The following NTN1 variants were observed in gnomAD, a reference collection of about 807,000 sequenced individuals.
NTN1 encodes the protein netrin-1.
NTN1 carries 11 observed loss-of-function variants against 54.2 expected under a neutral mutation model. The ratio of observed to expected loss-of-function variants is 0.20; its 90% CI spans 0.13 to 0.34. The LOEUF (loss-of-function observed/expected upper bound fraction) is 0.34, where lower values mean the gene tolerates loss of function less well. NTN1 is among the 10% of genes least tolerant of loss of function. The pLI, the probability that NTN1 is intolerant of heterozygous loss-of-function variation, is 1.00. For synonymous variants in NTN1, 371 were observed against 382.0 expected, an observed-to-expected ratio of 0.97 and a Z score of 0.33; for missense variants, 740 against 893.1, an observed-to-expected ratio of 0.83 and a Z score of 2.18.
intron 3 of NTN1, among the ~76,000 whole-genome samples, chr17:9,170,320 T>C (rs2092384058): frequency 6.6e-6 from 1 of 152,234 alleles, no homozygotes; most frequent in Admixed American, 6.5e-5. Context: ...TATGATTATT[T>C]GTGCAAGTCA....
At chr17:9,106,088 A>G (rs2092165159) in intron 2 of NTN1, among the ~76,000 whole-genome samples, 1 of 152,126 alleles carries the variant, frequency 6.6e-6, no homozygotes. Context: ...CTGAATCAGA[A>G]TCTGCACATC....
intron 2 of NTN1, among the ~76,000 whole-genome samples, chr17:9,083,362 C>A (rs577809598): frequency 6.6e-6 from 1 of 152,262 alleles, no homozygotes; most frequent in Admixed American, 6.5e-5. Context: ...TCCCACAGTG[C>A]TGGGGTTATG....
intron 2 of NTN1, among the ~76,000 whole-genome samples, chr17:9,112,491 G>A (rs547574923): frequency 1.3e-5 from 2 of 152,086 alleles, no homozygotes; most frequent in African/African-American, 2.4e-5. Flanking sequence ...TTGTCTGCTC[G>A]GTGCCACGAT....
At chr17:9,147,960 G>C (rs1289716126) in intron 2 of NTN1, among the ~76,000 whole-genome samples, 2 of 152,096 alleles carry the variant, frequency 1.3e-5, no homozygotes, top group East Asian at 3.9e-4. Flanking sequence ...ACAGATTTGG[G>C]GCCACTCTGG....
chr17:9,179,949 C>T lies in NTN1; in HGVS notation c.1350C>T (p.Pro450=). 6.2e-7 allele frequency: 1 copy of T among 1,612,930 alleles called. No homozygotes were observed. Among genetic ancestry groups the T allele is most frequent in the Non-Finnish European group, 8.5e-7 (1 of 1,179,646 alleles). Residue 450 remains proline (P), a synonymous_variant, in exon 4 of 7, where the codon CCC becomes CCT. Transcript: ENST00000173229. ...GYQQSRSPIA[P]CIKIPVAPPT... ...AGCAGAGCCGCTCTCCCATCGCCCC[C>T]TGCATAAGTATGTGTGGGGCACCCT...
At chr17:9,035,832 G>A (rs1390476900) in intron 2 of NTN1, among the ~76,000 whole-genome samples, 1 of 152,114 alleles carries the variant, frequency 6.6e-6, no homozygotes, top group Non-Finnish European at 1.5e-5. Context: ...AACCAGCCTG[G>A]CCAACATATT....
intron 2 of NTN1, among the ~76,000 whole-genome samples, chr17:9,045,106 G>T (rs752567943): frequency 5.5e-4 from 83 of 152,186 alleles, no homozygotes; most frequent in Admixed American, 9.8e-4. Context: ...TGCTGCCAGG[G>T]ATGGAATTAA....
intron 1 of NTN1, 91 bp from the exon 2 acceptor site, chr17:9,022,220 C>G: frequency 1.2e-6 from 1 of 854,546 alleles, no homozygotes; most frequent in Admixed American, 4.4e-5. Flanking sequence ...CCCAGGAAGC[C>G]GGGCGTTCTC....
At chr17:9,190,400 A>G (rs1904420888) in intron 5 of NTN1, among the ~76,000 whole-genome samples, 1 of 152,256 alleles carries the variant, frequency 6.6e-6, no homozygotes, top group Non-Finnish European at 1.5e-5. Flanking sequence ...AAATTCAGCC[A>G]GAAAAATAAA....
intron 3 of NTN1, chr17:9,174,585 C>T (rs2092395244): frequency 6.6e-6 from 1 of 152,266 alleles, no homozygotes; most frequent in South Asian, 2.1e-4. Flanking sequence ...CGTCTTCTCC[C>T]TGTGTCTTCA....
chr17:9,115,957 G>T (rs2092210744), intron 2 of NTN1, among the ~76,000 whole-genome samples: 1 of 152,240 alleles, frequency 6.6e-6, no homozygotes, highest in Non-Finnish European at 1.5e-5. Flanking sequence ...GAGCCGAAGG[G>T]GCGGAGGCCC....
chr17:9,135,715 TC>T lies in NTN1; in HGVS notation c.1019-27095del, dbSNP rs1014896851. ...CATCTCCAGGTTGAGGTTCTAGGGC[TC>T]CCTGGAGTAGGCCTGGTGGGGCACT... On this transcript the variant is annotated intron_variant, in intron 2 of 6. Transcript: ENST00000173229. The surrounding 1 kb of genome is among the most constrained non-coding windows in gnomAD (Gnocchi z 4.4). Among the ~76,000 whole-genome samples the T allele has an allele frequency of 2.0e-5, 3 of 152,202 alleles. No individual in the cohort carries two copies. The highest frequency in any genetic ancestry group is 4.4e-5 in the Non-Finnish European group (3 of 68,026).
intron 3 of NTN1, among the ~76,000 whole-genome samples, chr17:9,166,146 CCTTCCA>C (rs1475957266): frequency 2.2e-5 from 3 of 139,426 alleles, no homozygotes; most frequent in African/African-American, 8.1e-5. Context: ...TGGTCAACCC[CCTTCCA>C]CCACCACCAC....
intron 6 of NTN1, among the ~76,000 whole-genome samples, chr17:9,227,900 C>T (rs1052462674): frequency 1.3e-5 from 2 of 151,814 alleles, no homozygotes; most frequent in African/African-American, 2.4e-5. Flanking sequence ...CACCACTATA[C>T]GCATACCACT....
intron 5 of NTN1, among the ~76,000 whole-genome samples, chr17:9,188,832 A>G (rs1018094524): frequency 4.6e-5 from 7 of 152,156 alleles, no homozygotes; most frequent in Non-Finnish European, 7.3e-5. Flanking sequence ...GGGTCCACAG[A>G]GGAGACCACT....
At chr17:9,021,976 C>T (rs1288688779) in intron 1 of NTN1, among the ~76,000 whole-genome samples, 1 of 152,020 alleles carries the variant, frequency 6.6e-6, no homozygotes, top group Non-Finnish European at 1.5e-5. Flanking sequence ...GAGTCGGGGT[C>T]CCCCAGCTCT....
intron 2 of NTN1, among the ~76,000 whole-genome samples, chr17:9,055,588 G>A (rs2091976482): frequency 1.3e-5 from 2 of 152,212 alleles, no homozygotes; most frequent in Admixed American, 1.3e-4. Context: ...GACGTGAGGA[G>A]GTCCTGGTGC....
chr17:9,184,058 G>T (rs1597525300), intron 5 of NTN1, among the ~76,000 whole-genome samples: 1 of 152,208 alleles, frequency 6.6e-6, no homozygotes, highest in African/African-American at 2.4e-5. Context: ...AGCGAGGGAT[G>T]GGGGAGCTTG....
rs55732200 is a variant in NTN1 at position 9,104,088 on chromosome 17, CAAAAAAA to C, written c.1019-58708_1019-58702del. On this transcript the variant is annotated intron_variant, in intron 2 of 6. Transcript: ENST00000173229. ...TGGGCAACAGAGAGAGACTCCATCT[CAAAAAAA>C]AAAAAAAAAAAAAAAAGACAAGTAC... Among the ~76,000 whole-genome samples, 79 of 70,822 alleles carry C rather than the reference CAAAAAAA, an allele frequency of 1.1e-3. No homozygotes were observed. In the East Asian group the frequency reaches 0.024, roughly 21 times the overall value. 46.5% of individuals were successfully genotyped at this position (70,822 alleles called of 152,430 possible). A position where few individuals can be genotyped will look rare whatever the true frequency, so the allele number is the denominator to read the frequency against.
Sources: allele counts gnomAD v4.1 joint callset (sites outside exome capture counted in the v4.1 genomes callset), GRCh38; gene constraint gnomAD v4.1.1; non-coding constraint Gnocchi (gnomAD v3.1); transcripts MANE v1.5; gene names NCBI Gene and HGNC (gene_info 2026-07-23, HGNC 2026-07-21).